The following HNRNPA2B1 variants were observed in gnomAD, a reference collection of about 807,000 sequenced individuals.
HNRNPA2B1 encodes heterogeneous nuclear ribonucleoproteins A2/B1.
In HNRNPA2B1, 3 loss-of-function variants were observed where a neutral mutation model predicts 46.3. That is an observed-to-expected ratio of 0.06 (90% CI 0.03 to 0.17). The LOEUF (loss-of-function observed/expected upper bound fraction) is 0.17, where lower values mean the gene tolerates loss of function less well. HNRNPA2B1 is among the 10% of genes least tolerant of loss of function. The pLI is 1.00. For missense variants in HNRNPA2B1, 221 were observed against 418.9 expected, an observed-to-expected ratio of 0.53 and a Z score of 4.12; for synonymous variants, 225 against 133.8, an observed-to-expected ratio of 1.68 and a Z score of -4.70.
rs1274992960 is a variant in HNRNPA2B1 at position 26,193,231 on chromosome 7, C to A, written c.964+20G>T. 2 of 1,602,738 alleles carry A rather than the reference C, an allele frequency of 1.2e-6. No individual in the cohort carries two copies. The highest frequency in any genetic ancestry group is 8.5e-7 in the Non-Finnish European group (1 of 1,176,088). ...CCTTTAATCACAAAAATCTGAATAACCTCAATTTTTATAAATTACCTCCAC... is the reference window on the plus strand; with the variant it reads ...CCTTTAATCACAAAAATCTGAATAAACTCAATTTTTATAAATTACCTCCAC... On this transcript the variant is annotated intron_variant, in intron 9 of 10. Transcript: ENST00000618183.
At chr7:26,195,323 A>G (rs576677257) in intron 7 of HNRNPA2B1, among the ~76,000 whole-genome samples, 1 of 152,320 alleles carries the variant, frequency 6.6e-6, no homozygotes, top group Non-Finnish European at 1.5e-5. Context: ...GTCAGTGTGT[A>G]TCAGCCTTTT....
In HNRNPA2B1 at chr7:26,196,791, G is replaced by A; in HGVS notation, c.475+16C>T. ...TACACTGGAAAAAAACAGTACATTT[G>A]TGGTTAGACACTTACATACGATTTT... is the stretch of plus-strand genomic sequence containing the variant. On this transcript the variant is annotated intron_variant, in intron 4 of 10. Coordinates refer to ENST00000618183, the MANE Select transcript of HNRNPA2B1 (RefSeq NM_002137.4). 1 of 1,604,868 alleles carries A rather than the reference G, an allele frequency of 6.2e-7. No individual in the cohort carries two copies. Among genetic ancestry groups the A allele is most frequent in the Non-Finnish European group, 8.5e-7 (1 of 1,172,556 alleles).
chr7:26,196,087 A>G (rs760636439), intron 6 of HNRNPA2B1, among the ~76,000 whole-genome samples, 178 bp from the exon 7 acceptor site: 1 of 152,210 alleles, frequency 6.6e-6, no homozygotes, highest in Non-Finnish European at 1.5e-5. Context: ...TACCGCCTAA[A>G]TTTTGGACTC....
rs41275982 is a variant in HNRNPA2B1, at chr7:26,197,618, A to G, written c.117+4T>C. The G allele has an allele frequency of 0.031, 50,338 of 1,605,510 alleles. 911 individuals carry two copies. The highest frequency in any genetic ancestry group is 0.053 in the Middle Eastern group (318 of 6,052). ...ATCCAGTAACAATTCAGTAATTTAC[A>G]TACCACACAGTCTGTAAGCTTTCCC... is the stretch of plus-strand genomic sequence containing the variant. On this transcript the variant is annotated splice_donor_region_variant and intron_variant, in intron 2 of 10. Coordinates refer to ENST00000618183, the MANE Select transcript of HNRNPA2B1 (RefSeq NM_002137.4).
rs1583992299 is a variant in HNRNPA2B1 at position 26,196,883 on chromosome 7, A to G, written c.399T>C (p.Thr133=). The change falls in exon 4 of 11, where the codon ACT becomes ACC. Residue 133 remains threonine, a synonymous_variant. Transcript: ENST00000618183. ...CTCTTTTCTTTCCAGACTGCCTATC[A>G]GTAATTATCTCAATGGTATCAATTT... ...YGKIDTIEII[T]DRQSGKKRGF... 3 of 1,614,028 alleles carry G rather than the reference A, an allele frequency of 1.9e-6. No homozygotes were observed. Among genetic ancestry groups the G allele is most frequent in the East Asian group, 2.2e-5 (1 of 44,870 alleles).
chr7:26,199,660 C>A (rs1784128396), intron 1 of HNRNPA2B1: 1 of 152,154 alleles, frequency 6.6e-6, no homozygotes, highest in Non-Finnish European at 1.5e-5. Flanking sequence ...TTCGTCCCTG[C>A]CCCTCGTGGC....
chr7:26,193,354 A>G lies in HNRNPA2B1; in HGVS notation c.861T>C (p.Asn287=). 1 of 1,611,408 alleles carries G rather than the reference A, an allele frequency of 6.2e-7. No homozygotes were observed. Among genetic ancestry groups the G allele is most frequent in the South Asian group, 1.1e-5 (1 of 90,932 alleles). ...GGTTATAATTTCCAAAATCATTGTA[A>G]TTTCCACTTCCATAATTTCCTATTA... ...NYGGGNYGSG[N]YNDFGNYNQQ... Residue 287 remains asparagine, a synonymous_variant, in exon 9 of 11, where the codon AAT becomes AAC. Coordinates refer to ENST00000618183, the MANE Select transcript of HNRNPA2B1 (RefSeq NM_002137.4).
intron 1 of HNRNPA2B1, 164 bp from the exon 2 acceptor site, chr7:26,197,896 T>G: frequency 6.4e-7 from 1 of 1,552,904 alleles, no homozygotes; most frequent in Non-Finnish European, 8.7e-7. Flanking sequence ...TTACATCAAA[T>G]TTAAACCATA....
intron 7 of HNRNPA2B1, 103 bp from the exon 8 acceptor site, chr7:26,193,797 A>G: frequency 2.0e-6 from 2 of 977,646 alleles, no homozygotes; most frequent in Non-Finnish European, 3.1e-6. Flanking sequence ...CATGTGAAAT[A>G]TTTAATGAAA....
intron 1 of HNRNPA2B1, chr7:26,198,050 AAAAT>A (rs1783859893): frequency 1.4e-5 from 6 of 438,308 alleles, no homozygotes; most frequent in East Asian, 1.1e-4. Flanking sequence ...TTTCTAAGGA[AAAAT>A]AAACAAATGT....
chr7:26,196,499 G>T lies in HNRNPA2B1; in HGVS notation c.578-18C>A. 1 of 1,613,802 alleles carries T rather than the reference G, an allele frequency of 6.2e-7. No individual in the cohort carries two copies. The highest frequency in any genetic ancestry group is 8.5e-7 in the Non-Finnish European group (1 of 1,179,784). On this transcript the variant is annotated intron_variant, in intron 5 of 10. Coordinates refer to ENST00000618183, the MANE Select transcript of HNRNPA2B1 (RefSeq NM_002137.4). Reference sequence around the variant, plus strand: ...AAAGTTGCCTACAATAAATGCCCCAGTTAGAAGCAAGCCCTTATATATGAA... The same window carrying T: ...AAAGTTGCCTACAATAAATGCCCCATTTAGAAGCAAGCCCTTATATATGAA...
At position 26,197,069 on chromosome 7, in the gene HNRNPA2B1, A is replaced by G. The variant is rs73281546; in HGVS notation, c.265-52T>C. The G allele has an allele frequency of 0.031, 44,302 of 1,410,910 alleles. 811 individuals are homozygous for G. The highest frequency in any genetic ancestry group is 0.054 in the Middle Eastern group (304 of 5,654). 87.4% of individuals were successfully genotyped at this position (1,410,910 alleles called of 1,614,324 possible). A position where few individuals can be genotyped will look rare whatever the true frequency, so the allele number is the denominator to read the frequency against. On this transcript the variant is annotated intron_variant, in intron 3 of 10. Coordinates refer to ENST00000618183, the MANE Select transcript of HNRNPA2B1 (RefSeq NM_002137.4). ...TCCAAACAGAAAAAAACACAAGCAT[A>G]ATTCAAAGCACCCAACCGTAGTACC... is the stretch of plus-strand genomic sequence containing the variant.
rs756818963 is a variant in HNRNPA2B1, at chr7:26,192,481, C to A, written c.*21+14G>T. The A allele has an allele frequency of 1.9e-5, 29 of 1,564,178 alleles. No homozygotes were observed. In the African/African-American group the frequency reaches 3.5e-4, roughly 19 times the overall value. On this transcript the variant is annotated intron_variant, in intron 10 of 10. Transcript: ENST00000618183. ...CCAAGATAATAATAATTGTAAAACT[C>A]AAAAGCTACTTACCCATGGCAAATA...
At chr7:26,197,499 A>G (rs1183616374) in intron 2 of HNRNPA2B1, 38 bp from the exon 3 acceptor site, 1 of 1,602,960 alleles carries the variant, frequency 6.2e-7, no homozygotes, top group South Asian at 1.1e-5. Flanking sequence ...ATTTAATCTC[A>G]TTATAGCTTA....
intron 6 of HNRNPA2B1, among the ~76,000 whole-genome samples, 193 bp from the exon 7 acceptor site, chr7:26,196,102 C>CA (rs1783588565): frequency 6.6e-6 from 1 of 151,792 alleles, no homozygotes; most frequent in African/African-American, 2.4e-5. Context: ...GGACTCTTAA[C>CA]AAGTCTCAAT....
At position 26,195,213 on chromosome 7, in the gene HNRNPA2B1, G is replaced by GA. The variant is rs1348881474; in HGVS notation, c.721+633dup. Among the ~76,000 whole-genome samples the GA allele has an allele frequency of 1.0e-4, 15 of 147,948 alleles. No homozygotes were observed. The East Asian group carries it at 1.6e-3, about 16-fold the overall frequency. ...TCTAAAATTTTAATTATAAAAAGTA[G>GA]AACAGTGAGATACACTATTTAGTCA... is the stretch of plus-strand genomic sequence containing the variant. On this transcript the variant is annotated intron_variant, in intron 7 of 10. Transcript: ENST00000618183.
Position 26,190,139 on chromosome 7 carries a change from GTATT to G in HNRNPA2B1, c.*2217_*2220del, listed in dbSNP as rs534683903. On this transcript the variant is annotated 3_prime_UTR_variant, in exon 11 of 11. Coordinates refer to ENST00000618183, the MANE Select transcript of HNRNPA2B1 (RefSeq NM_002137.4). ...TACACCAAGTATTTGGATACAAAAA[GTATT>G]TATTTTATAAACTTTATATTTAAAA... The G allele has an allele frequency of 1.8e-4, 27 of 152,606 alleles. No individual in the cohort carries two copies. The highest frequency in any genetic ancestry group is 8.3e-4 in the South Asian group (4 of 4,828). 9.5% of individuals were successfully genotyped at this position (152,606 alleles called of 1,614,324 possible).
rs934461743 is a variant in HNRNPA2B1 at position 26,190,582 on chromosome 7, G to A, written c.*1778C>T. The A allele has an allele frequency of 1.3e-5, 2 of 152,206 alleles. No individual in the cohort carries two copies. Among genetic ancestry groups the A allele is most frequent in the Non-Finnish European group, 2.9e-5 (2 of 68,028 alleles). 9.4% of individuals were successfully genotyped at this position (152,206 alleles called of 1,614,324 possible). On this transcript the variant is annotated 3_prime_UTR_variant, in exon 11 of 11. Coordinates refer to ENST00000618183, the MANE Select transcript of HNRNPA2B1 (RefSeq NM_002137.4). Reference sequence around the variant, plus strand: ...CATTGGTGTATAGAGTAAGCCCTGAGTATCACATTCCTGTAAAGGCAATAA... The same window carrying A: ...CATTGGTGTATAGAGTAAGCCCTGAATATCACATTCCTGTAAAGGCAATAA...
At position 26,196,022 on chromosome 7, in the gene HNRNPA2B1, G is replaced by A. The variant is rs1783571960; in HGVS notation, c.659-113C>T. 7 of 1,369,774 alleles carry A rather than the reference G, an allele frequency of 5.1e-6. No homozygotes were observed. The East Asian group carries it at 1.3e-4, about 25-fold the overall frequency. 84.9% of individuals were successfully genotyped at this position (1,369,774 alleles called of 1,614,324 possible). ...CACAATAATTAAGAACCGCAGAAAAGGACACACCAGTGCTACCAGTTTACC... is the reference window on the plus strand; with the variant it reads ...CACAATAATTAAGAACCGCAGAAAAAGACACACCAGTGCTACCAGTTTACC... On this transcript the variant is annotated intron_variant, in intron 6 of 10. Transcript: ENST00000618183.
Sources: allele counts gnomAD v4.1 joint callset (sites outside exome capture counted in the v4.1 genomes callset), GRCh38; gene constraint gnomAD v4.1.1; transcripts MANE v1.5; gene names NCBI Gene and HGNC (gene_info 2026-07-23, HGNC 2026-07-21).